The following VWC2 variants were observed in gnomAD, a reference collection of about 807,000 sequenced individuals.
VWC2 encodes brorin.
A neutral mutation model predicts 29.8 loss-of-function variants in VWC2; 14 were observed. The ratio of observed to expected loss-of-function variants is 0.47; its 90% CI spans 0.31 to 0.74. The LOEUF (loss-of-function observed/expected upper bound fraction) is 0.74. Ranked by LOEUF, VWC2 falls within the 30% of genes least tolerant of loss-of-function variation. VWC2 has a pLI of 0.05. For synonymous variants in VWC2, 213 were observed against 199.0 expected (o/e 1.07, Z -0.59); for missense variants, 457 against 459.8 (o/e 0.99, Z 0.05).
chr7:49,848,500 T>G (rs1790049787), intron 3 of VWC2, among the ~76,000 whole-genome samples: 3 of 152,222 alleles, frequency 2.0e-5, no homozygotes. Flanking sequence ...TAGGAACTGT[T>G]GCTCAGTGAG....
intron 3 of VWC2, among the ~76,000 whole-genome samples, chr7:49,870,259 G>A (rs889675848): frequency 6.6e-6 from 1 of 152,112 alleles, no homozygotes; most frequent in African/African-American, 2.4e-5. Context: ...AATTAGCTGG[G>A]CATGGTGGCG....
At chr7:49,794,692 AT>A (rs1788545604) in intron 2 of VWC2, among the ~76,000 whole-genome samples, 1 of 152,190 alleles carries the variant, frequency 6.6e-6, no homozygotes, top group African/African-American at 2.4e-5. Context: ...TACAGGCTGT[AT>A]TCCTAGTACC....
chr7:49,888,835 C>CGGGAGGCGGAGGTTGCA (rs1286831112), intron 3 of VWC2, among the ~76,000 whole-genome samples: 29 of 152,076 alleles, frequency 1.9e-4, no homozygotes, highest in Non-Finnish European at 4.0e-4. Context: ...CGCTTGAACT[C>CGGGAGGCGGAGGTTGCA]GGGAGGCGGA....
intron 3 of VWC2, among the ~76,000 whole-genome samples, chr7:49,852,692 G>A (rs1230307841): frequency 1.3e-5 from 2 of 152,112 alleles, no homozygotes; most frequent in Non-Finnish European, 2.9e-5. Context: ...TGACGGATGG[G>A]GGACGGGCCT....
chr7:49,850,027 A>T (rs755176042), intron 3 of VWC2, among the ~76,000 whole-genome samples: 3 of 152,222 alleles, frequency 2.0e-5, no homozygotes, highest in Non-Finnish European at 4.4e-5. Flanking sequence ...GCACAGGAAG[A>T]CTGAGCACAG....
intron 2 of VWC2, among the ~76,000 whole-genome samples, chr7:49,790,384 C>G (rs1318202586): frequency 6.6e-6 from 1 of 152,124 alleles, no homozygotes; most frequent in Non-Finnish European, 1.5e-5. Context: ...AAACTGACAG[C>G]CTCTGGGGAC....
intron 3 of VWC2, among the ~76,000 whole-genome samples, chr7:49,854,890 G>T (rs1288701517): frequency 6.6e-6 from 1 of 152,198 alleles, no homozygotes; most frequent in Non-Finnish European, 1.5e-5. Flanking sequence ...TTAGAACTAT[G>T]AAGCTCAAAA....
rs575081572 is a variant in VWC2 at position 49,885,020 on chromosome 7, T to TA, written c.827-27011dup. ...AAATAGGATATAAGTGTTGTATGGC[T>TA]AAATTTAAAATTATAGAATTCCTTG... On this transcript the variant is annotated intron_variant, in intron 3 of 3. Transcript: ENST00000340652. Among the ~76,000 whole-genome samples, 25 of 152,236 alleles carry TA rather than the reference T, an allele frequency of 1.6e-4. No individual in the cohort carries two copies. In the South Asian group the frequency reaches 4.6e-3, roughly 28 times the overall value.
intron 3 of VWC2, among the ~76,000 whole-genome samples, chr7:49,839,365 G>A (rs1789741560): frequency 6.6e-6 from 1 of 152,178 alleles, no homozygotes; most frequent in African/African-American, 2.4e-5. Flanking sequence ...AATATGTGAT[G>A]TCATTTAATT....
At chr7:49,884,103 C>T (rs536353350) in intron 3 of VWC2, among the ~76,000 whole-genome samples, 2 of 152,336 alleles carry the variant, frequency 1.3e-5, no homozygotes, top group South Asian at 4.1e-4. Flanking sequence ...GCAAACCTGT[C>T]AGGCTGGTAG....
At chr7:49,805,475 T>C (rs1788856467) in intron 3 of VWC2, among the ~76,000 whole-genome samples, 1 of 152,244 alleles carries the variant, frequency 6.6e-6, no homozygotes, top group Admixed American at 6.5e-5. Flanking sequence ...ATTACATTTC[T>C]TTTATTCACC....
chr7:49,879,651 C>T (rs895333963), intron 3 of VWC2, among the ~76,000 whole-genome samples: 5 of 152,158 alleles, frequency 3.3e-5, no homozygotes, highest in African/African-American at 1.2e-4. Context: ...AACTGGAAGG[C>T]CTTGTACTGC....
At chr7:49,836,273 T>C (rs1395236237) in intron 3 of VWC2, among the ~76,000 whole-genome samples, 1 of 152,126 alleles carries the variant, frequency 6.6e-6, no homozygotes, top group East Asian at 1.9e-4. Context: ...ATGGTTTGCA[T>C]TAATATTTTT....
intron 3 of VWC2, among the ~76,000 whole-genome samples, chr7:49,863,359 G>T (rs1790739721): frequency 6.6e-6 from 1 of 152,082 alleles, no homozygotes; most frequent in Admixed American, 6.6e-5. Flanking sequence ...CGCCACTCCA[G>T]CTAAAGATTT....
Position 49,774,131 on chromosome 7 carries a change from C to T in VWC2, c.-104+18C>T, listed in dbSNP as rs572325436. ...GCGCTCATGTATGTAGGTTTGGCGC[C>T]GGTCTTCAGGGCTGAGGGTGCATGC... On this transcript the variant is annotated intron_variant, in intron 1 of 3. Coordinates refer to ENST00000340652, the MANE Select transcript of VWC2 (RefSeq NM_198570.5). 6.6e-6 allele frequency: 1 copy of T among 152,380 alleles called. No homozygotes were observed. Among genetic ancestry groups the T allele is most frequent in the Admixed American group, 6.5e-5 (1 of 15,300 alleles). The allele number at this position is 152,380 out of a possible 1,614,324, so 9.4% of individuals were successfully genotyped here. A position where few individuals can be genotyped will look rare whatever the true frequency, so the allele number is the denominator to read the frequency against.
At chr7:49,851,970 AG>A (rs1286530274) in intron 3 of VWC2, among the ~76,000 whole-genome samples, 24 of 152,310 alleles carry the variant, frequency 1.6e-4, no homozygotes, top group African/African-American at 5.8e-4. Context: ...AAGGACTGCT[AG>A]GCAGTGAAGA....
rs1793994171 is a variant in VWC2 at position 49,921,022 on chromosome 7, T to C, written c.*8837T>C. The C allele has an allele frequency of 6.6e-6, 1 of 152,248 alleles. No homozygotes were observed. The highest frequency in any genetic ancestry group is 6.5e-5 in the Admixed American group (1 of 15,280). The allele number at this position is 152,248 out of a possible 1,614,324, so 9.4% of individuals were successfully genotyped here. Reference sequence around the variant, plus strand: ...AGTTTTCCAGTAAGTGTTCATGTCCTGTACAAATTTATTAAACAACATCAA... The same window carrying C: ...AGTTTTCCAGTAAGTGTTCATGTCCCGTACAAATTTATTAAACAACATCAA... On this transcript the variant is annotated 3_prime_UTR_variant, in exon 4 of 4. Transcript: ENST00000340652.
intron 3 of VWC2, among the ~76,000 whole-genome samples, chr7:49,852,690 G>T (rs190996959): frequency 2.0e-3 from 280 of 137,634 alleles, no homozygotes; most frequent in African/African-American, 9.5e-3. Context: ...TGTGACGGAT[G>T]GGGGACGGGC....
rs1184395521 is a variant in VWC2 at position 49,775,998 on chromosome 7, C to A, written c.563C>A (p.Ala188Glu). 1.3e-6 allele frequency: 2 copies of A among 1,544,694 alleles called. No individual in the cohort carries two copies. The highest frequency in any genetic ancestry group is 4.9e-5 in the East Asian group (2 of 41,076). Residue 188 changes from alanine (A) to glutamate (E), a missense_variant, in exon 2 of 4, where the codon GCG becomes GAG. Ala to Glu is a moderately radical substitution (Grantham distance 107). Transcript: ENST00000340652. ...TGCACCGAGGAGGGGCCGCTGTGCG[C>A]GCAGCCCGAGTGCCCGAGGCTGCAC... ...CLCTEEGPLC[A>E]QPECPRLHPR...
Sources: gnomAD v4.1 joint callset for allele counts (sites outside exome capture counted in the v4.1 genomes callset) on GRCh38, gnomAD v4.1.1 for gene constraint, MANE v1.5 for transcripts, NCBI Gene and HGNC (gene_info 2026-07-23, HGNC 2026-07-21) for gene names.